Variants in RXFP1 observed in about 807,000 individuals in gnomAD.
RXFP1 encodes the protein relaxin family peptide receptor 1.
In RXFP1, 73 loss-of-function variants were observed where a neutral mutation model predicts 89.8. That is an observed-to-expected ratio of 0.81 (90% CI 0.67 to 0.99). The LOEUF is 0.99. RXFP1 is among the 50% of genes least tolerant of loss of function. RXFP1 has a pLI of 0.00. For missense variants in RXFP1, 793 were observed against 895.5 expected (o/e 0.89, Z 1.46); for synonymous variants, 277 against 305.5 (o/e 0.91, Z 0.97).
At position 158,628,676 on chromosome 4, in the gene RXFP1, A is replaced by G; in HGVS notation, c.866A>G (p.Asn289Ser). The G allele has an allele frequency of 6.3e-7, 1 of 1,579,302 alleles. No homozygotes were observed. The highest frequency in any genetic ancestry group is 8.7e-7 in the Non-Finnish European group (1 of 1,150,976). Residue 289 changes from asparagine (N) to serine (S), a missense_variant, in exon 11 of 18, where the codon AAT becomes AGT. Coordinates refer to ENST00000307765, the MANE Select transcript of RXFP1 (RefSeq NM_021634.4). ...AACAAAATTAATCACTTAAATGAAA[A>G]TACTTTTGCACCTCTCCAGAAACTG... The part of the protein sequence containing the change: ...RKNKINHLNE[N>S]TFAPLQKLDE...
At chr4:158,642,623 T>C (rs1215919492) in intron 14 of RXFP1, among the ~76,000 whole-genome samples, 2 of 152,202 alleles carry the variant, frequency 1.3e-5, no homozygotes, top group African/African-American at 4.8e-5. Context: ...AATTTCATTC[T>C]TTTTTTATAG....
intron 17 of RXFP1, among the ~76,000 whole-genome samples, chr4:158,650,622 T>A (rs1580354685): frequency 6.6e-6 from 1 of 151,930 alleles, no homozygotes. Flanking sequence ...TACAAAAATT[T>A]AGCTGCGCCT....
chr4:158,531,171 G>A (rs1743956733), intron 1 of RXFP1, among the ~76,000 whole-genome samples: 1 of 152,034 alleles, frequency 6.6e-6, no homozygotes, highest in Non-Finnish European at 1.5e-5. Context: ...GAGTTGCTGG[G>A]ACTCCAAGTG....
At chr4:158,567,540 T>G (rs575786407) in intron 1 of RXFP1, among the ~76,000 whole-genome samples, 4 of 151,886 alleles carry the variant, frequency 2.6e-5, no homozygotes, top group Non-Finnish European at 5.9e-5. Flanking sequence ...TGGTGGGGAC[T>G]TGGAGAACCT....
At chr4:158,581,367 T>A (rs1757325442) in intron 2 of RXFP1, among the ~76,000 whole-genome samples, 1 of 152,202 alleles carries the variant, frequency 6.6e-6, no homozygotes, top group African/African-American at 2.4e-5. Context: ...TCATACCAAA[T>A]GCTTGGCTTG....
intron 1 of RXFP1, among the ~76,000 whole-genome samples, chr4:158,540,387 G>C (rs1024914803): frequency 3.2e-4 from 48 of 152,028 alleles, no homozygotes; most frequent in African/African-American, 1.1e-3. Context: ...CCTGTAAACT[G>C]TCATGCACTG....
chr4:158,610,521 C>T (rs1763375842), intron 6 of RXFP1: 1 of 420,730 alleles, frequency 2.4e-6, no homozygotes, highest in Admixed American at 3.0e-5. Context: ...AAAACAATGC[C>T]AACATATATA....
In RXFP1 at chr4:158,646,795, C is replaced by A; in HGVS notation, c.1350C>A (p.Ala450=). 6.3e-7 allele frequency: 1 copy of A among 1,596,008 alleles called. No homozygotes were observed. The change falls in exon 16 of 18, where the codon GCC becomes GCA. Residue 450 remains alanine (A), a synonymous_variant. Coordinates refer to ENST00000307765, the MANE Select transcript of RXFP1 (RefSeq NM_021634.4). ...GTGAAACTATGACTCCTCTAGGTGCCGACTGCTTAATGGGAATATATTTAT... is the reference window on the plus strand; with the variant it reads ...GTGAAACTATGACTCCTCTAGGTGCAGACTGCTTAATGGGAATATATTTAT... ...YAMSIISLCC[A]DCLMGIYLFV... is the part of the protein sequence containing the mutation.
At chr4:158,530,212 T>G (rs752437476) in intron 1 of RXFP1, among the ~76,000 whole-genome samples, 1 of 152,192 alleles carries the variant, frequency 6.6e-6, no homozygotes, top group Non-Finnish European at 1.5e-5. Flanking sequence ...CTGGACCTAG[T>G]GAAAGAAATC....
intron 1 of RXFP1, among the ~76,000 whole-genome samples, chr4:158,530,117 G>C (rs1431353388): frequency 6.6e-6 from 1 of 152,060 alleles, no homozygotes. Flanking sequence ...TTACTTTACA[G>C]AGTTTAAATT....
intron 1 of RXFP1, among the ~76,000 whole-genome samples, chr4:158,555,025 TCTTA>T (rs1750985048): frequency 6.6e-6 from 1 of 152,188 alleles, no homozygotes; most frequent in Non-Finnish European, 1.5e-5. Context: ...TCAATTACAC[TCTTA>T]CTTTATTTTA....
chr4:158,611,012 A>G (rs1333604198), intron 6 of RXFP1, among the ~76,000 whole-genome samples: 3 of 152,254 alleles, frequency 2.0e-5, no homozygotes, highest in African/African-American at 7.2e-5. Context: ...TTACTTGCAT[A>G]TGAATCATAA....
At chr4:158,599,857 T>C (rs1327643174) in intron 4 of RXFP1, among the ~76,000 whole-genome samples, 1 of 152,104 alleles carries the variant, frequency 6.6e-6, no homozygotes, top group Non-Finnish European at 1.5e-5. Flanking sequence ...AAAAAGAAAA[T>C]AAGGTAAATT....
At position 158,628,703 on chromosome 4, in the gene RXFP1, A is replaced by T; in HGVS notation, c.893A>T (p.Asp298Val). 1.3e-6 allele frequency: 2 copies of T among 1,561,936 alleles called. No homozygotes were observed. The highest frequency in any genetic ancestry group is 1.8e-6 in the Non-Finnish European group (2 of 1,136,234). The change falls in exon 11 of 18, where the codon GAT (aspartate) becomes GTT (valine). Residue 298 changes from aspartate (D) to valine (V), a missense_variant. By Grantham distance (152) the Asp-to-Val change is radical. Transcript: ENST00000307765. ...ACTTTTGCACCTCTCCAGAAACTGG[A>T]TGAATTGTAAGTATGACTGAACATA... ...ENTFAPLQKL[D>V]ELDLGSNKIE...
At chr4:158,540,191 A>G (rs983116555) in intron 1 of RXFP1, among the ~76,000 whole-genome samples, 1 of 152,142 alleles carries the variant, frequency 6.6e-6, no homozygotes, top group Non-Finnish European at 1.5e-5. Context: ...GCAAAGGAAG[A>G]AAGAATGGCT....
intron 4 of RXFP1, among the ~76,000 whole-genome samples, chr4:158,600,871 A>G (rs1472046261): frequency 6.6e-6 from 1 of 152,174 alleles, no homozygotes; most frequent in Non-Finnish European, 1.5e-5. Flanking sequence ...TTCAGAGAAA[A>G]AAATCATAAT....
chr4:158,544,640 TC>T (rs1747754945), intron 1 of RXFP1, among the ~76,000 whole-genome samples: 1 of 151,868 alleles, frequency 6.6e-6, no homozygotes, highest in Non-Finnish European at 1.5e-5. Flanking sequence ...ATGTTCCCCT[TC>T]CTGTGTCCAA....
chr4:158,606,750 CTT>C (rs552763586), intron 5 of RXFP1, among the ~76,000 whole-genome samples: 32 of 137,924 alleles, frequency 2.3e-4, no homozygotes, highest in Non-Finnish European at 2.2e-4. Context: ...CACCTGGCTC[CTT>C]TTTTTTTTTT....
intron 1 of RXFP1, among the ~76,000 whole-genome samples, chr4:158,540,794 C>T (rs543903264): frequency 6.6e-6 from 1 of 152,226 alleles, no homozygotes; most frequent in Admixed American, 6.5e-5. Context: ...GTGCTGTAAA[C>T]ATGCCGTACA....
Sources: gnomAD v4.1 joint callset for allele counts (sites outside exome capture counted in the v4.1 genomes callset) on GRCh38, gnomAD v4.1.1 for gene constraint, MANE v1.5 for transcripts, NCBI Gene and HGNC (gene_info 2026-07-23, HGNC 2026-07-21) for gene names.